Variants in HTR4 observed in about 807,000 individuals in gnomAD.
HTR4 encodes the protein 5-hydroxytryptamine receptor 4.
A neutral mutation model predicts 36.8 loss-of-function variants in HTR4; 16 were observed. That is an observed-to-expected ratio of 0.43 (90% CI 0.29 to 0.66). The LOEUF is 0.66. Ranked by LOEUF, HTR4 falls within the 30% of genes least tolerant of loss-of-function variation. HTR4 has a pLI of 0.13. For missense variants in HTR4, 438 were observed against 490.9 expected (o/e 0.89, Z 1.02); for synonymous variants, 189 against 185.1 (o/e 1.02, Z -0.17).
intron 2 of HTR4, among the ~76,000 whole-genome samples, chr5:148,568,267 ATTTTTTG>A (rs570678043): frequency 4.4e-4 from 67 of 152,080 alleles, no homozygotes; most frequent in Non-Finnish European, 8.4e-4. Flanking sequence ...ACTAATCCCC[ATTTTTTG>A]TTCTTACATA....
intron 5 of HTR4, among the ~76,000 whole-genome samples, chr5:148,514,003 A>G (rs182172736): frequency 6.6e-6 from 1 of 152,310 alleles, no homozygotes; most frequent in Admixed American, 6.5e-5. Flanking sequence ...ACTAAAATTC[A>G]TCTTTACATT....
chr5:148,496,390 A>G (rs911594227), intron 6 of HTR4, among the ~76,000 whole-genome samples: 18 of 152,154 alleles, frequency 1.2e-4, no homozygotes, highest in African/African-American at 4.3e-4. Flanking sequence ...AAGAAAAATA[A>G]AAATAAAAGT....
At chr5:148,584,278 C>A (rs967713373) in intron 2 of HTR4, among the ~76,000 whole-genome samples, 27 of 151,914 alleles carry the variant, frequency 1.8e-4, no homozygotes, top group African/African-American at 5.8e-4. Flanking sequence ...AGCTTTCCCC[C>A]AAAAAAGGAT....
intron 2 of HTR4, among the ~76,000 whole-genome samples, chr5:148,632,273 A>C (rs955001559): frequency 6.6e-6 from 1 of 152,194 alleles, no homozygotes; most frequent in South Asian, 2.1e-4. Flanking sequence ...TTTGTCTCTC[A>C]GTTTCCTAGA....
intron 2 of HTR4, among the ~76,000 whole-genome samples, chr5:148,568,821 C>T (rs939049012): frequency 6.6e-6 from 1 of 152,106 alleles, no homozygotes; most frequent in Admixed American, 6.6e-5. Flanking sequence ...CCAACACTTG[C>T]TTAGGTGTCC....
chr5:148,501,944 C>T (rs1037741789), intron 6 of HTR4, among the ~76,000 whole-genome samples: 4 of 151,900 alleles, frequency 2.6e-5, no homozygotes, highest in African/African-American at 9.7e-5. Context: ...CCTGTAGTCC[C>T]AGCTACTGGG....
chr5:148,454,103 T>C (rs1468877206), intron 5 of HTR4, among the ~76,000 whole-genome samples: 1 of 152,182 alleles, frequency 6.6e-6, no homozygotes, highest in African/African-American at 2.4e-5. Context: ...ACCATGACCC[T>C]CACTTGAGTC....
intron 1 of HTR4, chr5:148,645,688 C>T (rs1459122605): frequency 6.6e-6 from 1 of 152,190 alleles, no homozygotes; most frequent in Non-Finnish European, 1.5e-5. Context: ...AAAATGAATA[C>T]TCACAAAGCA....
downstream of HTR4, among the ~76,000 whole-genome samples, chr5:148,480,581 G>A (rs1404679080): frequency 6.6e-6 from 1 of 152,164 alleles, no homozygotes; most frequent in Non-Finnish European, 1.5e-5. Flanking sequence ...ATTTCACCAT[G>A]TTGGCCAGGC....
intron 1 of HTR4, among the ~76,000 whole-genome samples, chr5:148,638,969 C>T (rs1753640290): frequency 6.6e-6 from 1 of 151,978 alleles, no homozygotes; most frequent in South Asian, 2.1e-4. Flanking sequence ...ATCACCTGAG[C>T]CCAGGAGGTT....
At chr5:148,566,576 T>C (rs555751524) in intron 2 of HTR4, among the ~76,000 whole-genome samples, 18 of 152,252 alleles carry the variant, frequency 1.2e-4, no homozygotes, top group African/African-American at 4.3e-4. Flanking sequence ...GAATTTACCA[T>C]TGAGACCCAG....
At chr5:148,498,354 T>C (rs866370181) in intron 6 of HTR4, among the ~76,000 whole-genome samples, 1 of 152,194 alleles carries the variant, frequency 6.6e-6, no homozygotes, top group African/African-American at 2.4e-5. Flanking sequence ...TCTTGTAGAC[T>C]AAGTTCTCTA....
intron 6 of HTR4, among the ~76,000 whole-genome samples, chr5:148,486,221 A>G (rs1217359287): frequency 1.3e-5 from 2 of 152,176 alleles, no homozygotes; most frequent in Admixed American, 1.3e-4. Context: ...TTATATTTAC[A>G]TAATTGTTCA....
intron 6 of HTR4, among the ~76,000 whole-genome samples, chr5:148,500,849 T>A (rs1054676713): frequency 1.3e-5 from 2 of 152,186 alleles, no homozygotes; most frequent in African/African-American, 4.8e-5. Flanking sequence ...TAAGAAAATA[T>A]GAAAGATTGA....
rs376809075 is a variant in HTR4, at chr5:148,523,339, C to T, written c.361G>A (p.Ala121Thr). The change falls in exon 5 of 7, where the codon GCC becomes ACC. Residue 121 changes from alanine to threonine, a missense_variant. Coordinates refer to ENST00000377888, the MANE Select transcript of HTR4 (RefSeq NM_000870.7). ...LCCISLDRYYAICCQPLVYRN... is the reference protein window; with the variant it reads ...LCCISLDRYYTICCQPLVYRN... ...TAGACCAAAGGCTGGCAGCAGATGG[C>T]GTAATACCTGGAGAGAGAATAGAGG... 3.7e-6 allele frequency: 6 copies of T among 1,606,244 alleles called. No individual in the cohort carries two copies. In the African/African-American group the frequency reaches 5.4e-5, roughly 14 times the overall value.
At position 148,509,547 on chromosome 5, in the gene HTR4, A is replaced by C; in HGVS notation, c.985T>G (p.Cys329Gly). The C allele has an allele frequency of 6.2e-7, 1 of 1,613,750 alleles. No individual in the cohort carries two copies. Among genetic ancestry groups the C allele is most frequent in the Non-Finnish European group, 8.5e-7 (1 of 1,179,672 alleles). The change falls in exon 6 of 7, where the codon TGT becomes GGT. Residue 329 changes from cysteine to glycine, a missense_variant. By Grantham distance (159) the Cys-to-Gly change is radical (BLOSUM62 -3). Coordinates refer to ENST00000377888, the MANE Select transcript of HTR4 (RefSeq NM_000870.7). Reference sequence around the variant, plus strand: ...GGTCTTCGGTAGCGCTCATCATCACAGCAGAGGATGATGAGGAAGGCACGT... The same window carrying C: ...GGTCTTCGGTAGCGCTCATCATCACCGCAGAGGATGATGAGGAAGGCACGT... Reference protein sequence around the residue: ...FRRAFLIILCCDDERYRRPSI... With the variant: ...FRRAFLIILCGDDERYRRPSI...
chr5:148,493,842 G>C (rs1034643120), intron 6 of HTR4, among the ~76,000 whole-genome samples: 1 of 152,152 alleles, frequency 6.6e-6, no homozygotes, highest in African/African-American at 2.4e-5. Context: ...ATTCATCTTT[G>C]ATTTACCCAG....
intron 2 of HTR4, among the ~76,000 whole-genome samples, chr5:148,558,019 C>T (rs1241090007): frequency 3.3e-5 from 5 of 151,938 alleles, no homozygotes; most frequent in Non-Finnish European, 5.9e-5. Context: ...GTGTCATGTA[C>T]ACAAGAAATA....
chr5:148,590,548 C>T (rs1761525415), intron 2 of HTR4, among the ~76,000 whole-genome samples: 1 of 151,724 alleles, frequency 6.6e-6, no homozygotes, highest in Non-Finnish European at 1.5e-5. Context: ...CTCAGCGCTA[C>T]CCACATGTTC....
Sources: gnomAD v4.1 joint callset for allele counts (sites outside exome capture counted in the v4.1 genomes callset) on GRCh38, gnomAD v4.1.1 for gene constraint, MANE v1.5 for transcripts, NCBI Gene and HGNC (gene_info 2026-07-23, HGNC 2026-07-21) for gene names.